SULT6B1: variants seen among roughly 807,000 people sequenced by gnomAD.
The protein encoded by SULT6B1 is sulfotransferase 6B1.
Under a neutral mutation model 37.2 loss-of-function variants are expected in SULT6B1, and 44 were observed. The observed-to-expected ratio is 1.18, with a 90% CI of 0.93 to 1.52. The LOEUF is 1.52. Ranked by LOEUF, SULT6B1 falls within the 40% of genes most tolerant of loss-of-function variation. The probability of loss-of-function intolerance (pLI) is 0.00; values close to 1 mark genes in which losing one functional copy is unlikely to be tolerated. For missense variants in SULT6B1, 450 were observed against 361.0 expected, an observed-to-expected ratio of 1.25 and a Z score of -2.00; for synonymous variants, 140 against 126.0, an observed-to-expected ratio of 1.11 and a Z score of -0.74.
At chr2:37,168,944 A>G (rs1476308993) in intron 6 of SULT6B1, among the ~76,000 whole-genome samples, 2 of 152,246 alleles carry the variant, frequency 1.3e-5, no homozygotes, top group Admixed American at 6.5e-5. Context: ...TATTAAGGGA[A>G]TAAAAGAAAA....
At chr2:37,192,251 T>C (rs970599504), upstream of SULT6B1, among the ~76,000 whole-genome samples, 6 of 152,180 alleles carry the variant, frequency 3.9e-5, no homozygotes, top group Non-Finnish European at 8.8e-5. Flanking sequence ...TGTAAACATA[T>C]GGAAACAAGT....
At chr2:37,188,184 T>C (rs1676713109) in intron 1 of SULT6B1, among the ~76,000 whole-genome samples, 1 of 152,190 alleles carries the variant, frequency 6.6e-6, no homozygotes, top group Admixed American at 6.6e-5. Flanking sequence ...AGGCCCGTCA[T>C]CCACCCCCTT....
intron 2 of SULT6B1, among the ~76,000 whole-genome samples, chr2:37,185,006 G>A (rs10865122): frequency 0.3 from 45,133 of 152,080 alleles, 7,743 homozygotes; most frequent in East Asian, 0.79. Context: ...GCATTTTCAT[G>A]CTCATTCACA....
intron 2 of SULT6B1, 130 bp downstream of exon 2, chr2:37,187,225 T>C (rs1224356479): frequency 6.5e-6 from 4 of 615,078 alleles, no homozygotes; most frequent in African/African-American, 1.9e-5. Flanking sequence ...GCTGAGGATA[T>C]GGTAAGCACA....
chr2:37,191,903 G>A (rs1368440251), upstream of SULT6B1, among the ~76,000 whole-genome samples: 3 of 152,226 alleles, frequency 2.0e-5, no homozygotes, highest in Non-Finnish European at 4.4e-5. Context: ...GGGGATTGGG[G>A]TTGCTGGCAT....
intron 6 of SULT6B1, among the ~76,000 whole-genome samples, chr2:37,170,614 C>G (rs1173486232): frequency 6.7e-6 from 1 of 150,198 alleles, no homozygotes; most frequent in African/African-American, 2.5e-5. Context: ...ATTAAAAATA[C>G]AAAAAAATTA....
intron 3 of SULT6B1, among the ~76,000 whole-genome samples, chr2:37,179,845 T>C (rs1385221936): frequency 6.6e-6 from 1 of 151,898 alleles, no homozygotes; most frequent in Non-Finnish European, 1.5e-5. Flanking sequence ...GCACAGAAGA[T>C]GTAAAAAGGA....
At chr2:37,180,296 C>T (rs1023626118) in intron 3 of SULT6B1, among the ~76,000 whole-genome samples, 2 of 152,198 alleles carry the variant, frequency 1.3e-5, no homozygotes, top group Middle Eastern at 3.2e-3. Flanking sequence ...ACAACTAGAA[C>T]AGGCAGAAGT....
At chr2:37,170,164 A>G (rs182392948) in intron 6 of SULT6B1, among the ~76,000 whole-genome samples, 27 of 152,320 alleles carry the variant, frequency 1.8e-4, no homozygotes, top group African/African-American at 6.3e-4. Flanking sequence ...AAAGTGGCCA[A>G]TGAAATGTAA....
In SULT6B1 at chr2:37,172,055, T is replaced by A. The variant is rs1676315324; in HGVS notation, c.625-465A>T. On this transcript the variant is annotated intron_variant, in intron 5 of 6. Coordinates refer to ENST00000535679, the MANE Select transcript of SULT6B1 (RefSeq NM_001367551.1). ...GAATCATAAAAACTTGAAGAATTTT[T>A]TTTTTTTTTTTAGACAGGGTCTTTC... Among the ~76,000 whole-genome samples, 7 of 152,272 alleles carry A rather than the reference T, an allele frequency of 4.6e-5. No individual in the cohort carries two copies. The South Asian group carries it at 1.5e-3, about 32-fold the overall frequency.
upstream of SULT6B1, among the ~76,000 whole-genome samples, chr2:37,189,289 G>A (rs1676736818): frequency 6.6e-6 from 1 of 152,170 alleles, no homozygotes; most frequent in Non-Finnish European, 1.5e-5. Context: ...ACCCCATATG[G>A]GTCTGCAGTA....
At chr2:37,175,279 A>G (rs1572457409) in intron 4 of SULT6B1, 53 bp from the exon 5 acceptor site, 1 of 983,130 alleles carries the variant, frequency 1.0e-6, no homozygotes, top group Non-Finnish European at 1.5e-6. Flanking sequence ...TGAGGTTAAA[A>G]TGATCATTAA....
chr2:37,171,421 A>G lies in SULT6B1; in HGVS notation c.781+13T>C. On this transcript the variant is annotated intron_variant, in intron 6 of 6. Coordinates refer to ENST00000535679, the MANE Select transcript of SULT6B1 (RefSeq NM_001367551.1). ...CTAACTGATAACAATCCCAGAAACC[A>G]ATGCGACTTTACCTTTGCGGAAAAG... 1 of 1,609,724 alleles carries G rather than the reference A, an allele frequency of 6.2e-7. No homozygotes were observed. The highest frequency in any genetic ancestry group is 8.5e-7 in the Non-Finnish European group (1 of 1,178,084).
intron 3 of SULT6B1, 72 bp downstream of exon 3, chr2:37,183,353 A>G: frequency 8.3e-7 from 1 of 1,200,476 alleles, no homozygotes; most frequent in Non-Finnish European, 1.2e-6. Flanking sequence ...GAACAAACTC[A>G]TGATCTACTT....
intron 4 of SULT6B1, among the ~76,000 whole-genome samples, chr2:37,179,242 G>C (rs1485397584): frequency 6.6e-6 from 1 of 152,218 alleles, no homozygotes; most frequent in Non-Finnish European, 1.5e-5. Flanking sequence ...ACAGGCGTGA[G>C]CCACCACACC....
rs187736835 is a variant in SULT6B1, at chr2:37,195,447, T to G, written c.-22+1069A>C. On this transcript the variant is annotated intron_variant, in intron 1 of 7. Transcript: ENST00000407963. ...GCTGGACTAGGGGTGGGGCGGGTGT[T>G]AGGAAAATTGGGGCAATCACAGAGC... 5.5e-3 allele frequency among the ~76,000 whole-genome samples: 842 copies of G among 152,300 alleles called. 9 individuals are homozygous for G. The highest frequency in any genetic ancestry group is 0.019 in the African/African-American group (797 of 41,546).
At chr2:37,196,010 G>T (rs1387421770) in intron 1 of SULT6B1, 2 of 152,118 alleles carry the variant, frequency 1.3e-5, no homozygotes, top group African/African-American at 4.8e-5. Context: ...CGTATTTTTA[G>T]TAGAGACGGG....
At chr2:37,175,572 G>C (rs1188378461) in intron 4 of SULT6B1, among the ~76,000 whole-genome samples, 5 of 152,066 alleles carry the variant, frequency 3.3e-5, no homozygotes, top group African/African-American at 1.2e-4. Context: ...ATGCCAGAAA[G>C]AAATGATGAA....
chr2:37,195,522 C>G (rs1014199495), intron 1 of SULT6B1, among the ~76,000 whole-genome samples: 1 of 152,134 alleles, frequency 6.6e-6, no homozygotes, highest in Non-Finnish European at 1.5e-5. Context: ...TTAGCTCCAG[C>G]TATCACCCCT....
Sources: gnomAD v4.1 joint callset for allele counts (sites outside exome capture counted in the v4.1 genomes callset) on GRCh38, gnomAD v4.1.1 for gene constraint, MANE v1.5 for transcripts, NCBI Gene and HGNC (gene_info 2026-07-23, HGNC 2026-07-21) for gene names.